TRIM60: variants seen among roughly 807,000 people sequenced by gnomAD.
TRIM60 encodes tripartite motif-containing protein 60.
For missense variants in TRIM60, 524 were observed against 540.8 expected (o/e 0.97, Z 0.31); for synonymous variants, 189 against 195.2 (o/e 0.97, Z 0.27).
chr4:165,035,078 A>T (rs770135425), intron 1 of TRIM60, among the ~76,000 whole-genome samples: 3 of 152,086 alleles, frequency 2.0e-5, no homozygotes, highest in Non-Finnish European at 2.9e-5. Flanking sequence ...TTATAACTTA[A>T]TTTTTTTGAG....
chr4:165,033,026 CAAAA>C lies in TRIM60; in HGVS notation c.-57+928_-57+931del, dbSNP rs552897039. On this transcript the variant is annotated intron_variant, in intron 1 of 2. Coordinates refer to ENST00000512596, the MANE Select transcript of TRIM60 (RefSeq NM_152620.3). The stretch of plus-strand genomic sequence containing the variant: ...CAACATAGTGAGACCCCTGTCTCTA[CAAAA>C]AAAAAAAAAAAAATCCGGGCATGGT... 6.1e-5 allele frequency among the ~76,000 whole-genome samples: 5 copies of C among 82,188 alleles called. No individual in the cohort carries two copies. In the East Asian group the frequency reaches 1.8e-3, roughly 29 times the overall value. 53.9% of individuals were successfully genotyped at this position (82,188 alleles called of 152,430 possible).
rs1733550180 is a variant in TRIM60 at position 165,033,328 on chromosome 4, C to G, written c.-57+1216C>G. Among the ~76,000 whole-genome samples, 2 of 152,136 alleles carry G rather than the reference C, an allele frequency of 1.3e-5. 1 individual carries two copies. Among genetic ancestry groups the G allele is most frequent in the Admixed American group, 1.3e-4 (2 of 15,274 alleles). ...ATTAGCCTAATAATTATTGAACACA[C>G]GTTGTACACCAGCATAAGAATCAGA... On this transcript the variant is annotated intron_variant, in intron 1 of 2. Transcript: ENST00000512596.
Position 165,040,597 on chromosome 4 carries a change from G to A in TRIM60, c.525G>A (p.Lys175=). The part of the protein sequence containing the change: ...QGSKSVELKK[K]VEYKREEINS... ...GCAAATCAGTGGAGCTGAAAAAGAA[G>A]GTAGAATATAAGAGGGAAGAAATAA... Residue 175 remains lysine (K), a synonymous_variant, in exon 3 of 3, where the codon AAG becomes AAA. Coordinates refer to ENST00000512596, the MANE Select transcript of TRIM60 (RefSeq NM_152620.3). The A allele has an allele frequency of 1.2e-6, 2 of 1,614,080 alleles. No individual in the cohort carries two copies. The highest frequency in any genetic ancestry group is 1.7e-6 in the Non-Finnish European group (2 of 1,180,014).
In TRIM60 at chr4:165,040,223, T is replaced by C. The variant is rs758380693; in HGVS notation, c.151T>C (p.Phe51Leu). 147 of 1,614,070 alleles carry C rather than the reference T, an allele frequency of 9.1e-5. 2 individuals carry two copies. In the Admixed American group the frequency reaches 2.1e-3, roughly 23 times the overall value. The change falls in exon 3 of 3, where the codon TTT becomes CTT. Residue 51 changes from phenylalanine to leucine, a missense_variant. Phe to Leu is a conservative substitution (Grantham distance 22, BLOSUM62 0). Coordinates refer to ENST00000512596, the MANE Select transcript of TRIM60 (RefSeq NM_152620.3). Reference sequence around the variant, plus strand: ...ATCCTGGAAGGATCTAGATGATACCTTTCCCTGTCCTGTCTGCCGTTTTTG... The same window carrying C: ...ATCCTGGAAGGATCTAGATGATACCCTTCCCTGTCCTGTCTGCCGTTTTTG... ...SVSWKDLDDT[F>L]PCPVCRFCFP... is the part of the protein sequence containing the mutation.
Position 165,040,921 on chromosome 4 carries a change from T to A in TRIM60, c.849T>A (p.Tyr283Ter), listed in dbSNP as rs1236898688. The A allele has an allele frequency of 6.2e-7, 1 of 1,613,670 alleles. No homozygotes were observed. Among genetic ancestry groups the A allele is most frequent in the South Asian group, 1.1e-5 (1 of 91,032 alleles). Residue 283 changes from tyrosine to a stop codon, truncating the protein, a stop_gained, in exon 3 of 3, where the codon TAT (tyrosine) becomes TAA (stop). Transcript: ENST00000512596. LOFTEE classifies it low-confidence loss of function (END_TRUNC). ...ATGGTTTCAGTCTTCCTCCTCAATATTCTGGCTTGGACAGAATTATCAAGC... is the reference window on the plus strand; with the variant it reads ...ATGGTTTCAGTCTTCCTCCTCAATAATCTGGCTTGGACAGAATTATCAAGC... ...TKYGFSLPPQYSGLDRIIKPF... is the reference protein window; with the variant it reads ...TKYGFSLPPQ
intron 1 of TRIM60, among the ~76,000 whole-genome samples, chr4:165,038,782 T>G (rs1240562914): frequency 1.3e-5 from 2 of 152,136 alleles, no homozygotes; most frequent in East Asian, 3.9e-4. Context: ...ATATATAGTT[T>G]TATATTATAG....
At chr4:165,036,881 CAA>C (rs58526101) in intron 1 of TRIM60, among the ~76,000 whole-genome samples, 29 of 76,240 alleles carry the variant, frequency 3.8e-4, no homozygotes, top group Admixed American at 4.7e-4. Flanking sequence ...GACTCTGTCT[CAA>C]AAAAAAAAAA....
Position 165,040,406 on chromosome 4 carries a change from C to A in TRIM60, c.334C>A (p.Leu112Ile), listed in dbSNP as rs778772934. 6.2e-7 allele frequency: 1 copy of A among 1,614,164 alleles called. No homozygotes were observed. The highest frequency in any genetic ancestry group is 1.1e-5 in the South Asian group (1 of 91,080). Reference protein sequence around the residue: ...QFLTLFCVKDLEILCTQCSFS... With the variant: ...QFLTLFCVKDIEILCTQCSFS... ...TCTGACCCTCTTCTGTGTTAAAGAT[C>A]TAGAGATCTTATGTACACAGTGCAG... Residue 112 changes from leucine (L) to isoleucine (I), a missense_variant, in exon 3 of 3, where the codon CTA becomes ATA. Coordinates refer to ENST00000512596, the MANE Select transcript of TRIM60 (RefSeq NM_152620.3).
Position 165,040,304 on chromosome 4 carries a change from G to T in TRIM60, c.232G>T (p.Ala78Ser), listed in dbSNP as rs1444532963. 2.5e-6 allele frequency: 4 copies of T among 1,614,064 alleles called. No individual in the cohort carries two copies. The Admixed American group carries it at 6.7e-5, about 27-fold the overall frequency. Reference sequence around the variant, plus strand: ...CCAGCTCCGTAATTTGACTGAAATTGCTAAACAACTCCAGATTAGGAGGAG... The same window carrying T: ...CCAGCTCCGTAATTTGACTGAAATTTCTAAACAACTCCAGATTAGGAGGAG... ...NPQLRNLTEI[A>S]KQLQIRRSKR... Residue 78 changes from alanine to serine, a missense_variant, in exon 3 of 3, where the codon GCT becomes TCT. Physicochemically the swap from Ala to Ser is moderately conservative, Grantham distance 99 (BLOSUM62 1). Transcript: ENST00000512596.
Position 165,040,982 on chromosome 4 carries a change from G to A in TRIM60, c.910G>A (p.Ala304Thr). The A allele has an allele frequency of 1.2e-6, 2 of 1,614,028 alleles. No homozygotes were observed. Among genetic ancestry groups the A allele is most frequent in the Non-Finnish European group, 1.7e-6 (2 of 1,179,930 alleles). ...AGATGTGATTCTAGATCTCAACACA[G>A]CACATCCTCAACTTCTTGTCTCTGA... ...QVDVILDLNT[A>T]HPQLLVSEDR... Residue 304 changes from alanine to threonine, a missense_variant, in exon 3 of 3, where the codon GCA (alanine) becomes ACA (threonine). Ala to Thr is a moderately conservative substitution (Grantham distance 58, BLOSUM62 0). Coordinates refer to ENST00000512596, the MANE Select transcript of TRIM60 (RefSeq NM_152620.3).
intron 1 of TRIM60, among the ~76,000 whole-genome samples, chr4:165,036,667 G>A (rs1003961303): frequency 1.3e-5 from 2 of 152,116 alleles, no homozygotes; most frequent in Admixed American, 6.5e-5. Context: ...GAGCACTTGA[G>A]GTCAGGAGTT....
In TRIM60 at chr4:165,040,115, A is replaced by G. The variant is rs1319723457; in HGVS notation, c.43A>G (p.Ser15Gly). ...CCTGGTGAACCTCCAAGAGGAGTCT[A>G]GCTGTCCCATCTGTCTGGAGTACTT... Reference protein sequence around the residue: ...TALVNLQEESSCPICLEYLKD... With the variant: ...TALVNLQEESGCPICLEYLKD... The change falls in exon 3 of 3, where the codon AGC (serine) becomes GGC (glycine). Residue 15 changes from serine to glycine, a missense_variant. Ser to Gly is a moderately conservative substitution (Grantham distance 56, BLOSUM62 0). Transcript: ENST00000512596. 1 of 1,613,360 alleles carries G rather than the reference A, an allele frequency of 6.2e-7. No homozygotes were observed. The highest frequency in any genetic ancestry group is 1.3e-5 in the African/African-American group (1 of 74,910).
intron 1 of TRIM60, among the ~76,000 whole-genome samples, chr4:165,037,461 C>T (rs1330728511): frequency 6.6e-6 from 1 of 151,826 alleles, no homozygotes; most frequent in African/African-American, 2.4e-5. Flanking sequence ...GTAGCTGGGA[C>T]TACAGGCATG....
intron 1 of TRIM60, among the ~76,000 whole-genome samples, chr4:165,036,188 C>T (rs191506550): frequency 6.6e-6 from 1 of 152,268 alleles, no homozygotes; most frequent in East Asian, 1.9e-4. Context: ...CGCACAATAC[C>T]ACTTGGTGAG....
rs761086882 is a variant in TRIM60 at position 165,041,406 on chromosome 4, C to T, written c.1334C>T (p.Thr445Ile). Residue 445 changes from threonine to isoleucine, a missense_variant, in exon 3 of 3, where the codon ACA becomes ATA. Transcript: ENST00000512596. ...SILYTFNDCF[T>I]EAVWPYFYTG... is the part of the protein sequence containing the mutation. ...CTCTATACTTTTAACGATTGTTTCACAGAAGCCGTTTGGCCTTATTTCTAT... is the reference window on the plus strand; with the variant it reads ...CTCTATACTTTTAACGATTGTTTCATAGAAGCCGTTTGGCCTTATTTCTAT... 14 of 1,612,754 alleles carry T rather than the reference C, an allele frequency of 8.7e-6. No homozygotes were observed. Among genetic ancestry groups the T allele is most frequent in the Non-Finnish European group, 1.2e-5 (14 of 1,179,296 alleles).
intron 1 of TRIM60, among the ~76,000 whole-genome samples, chr4:165,034,890 C>T (rs1017177159): frequency 6.6e-6 from 1 of 152,150 alleles, no homozygotes; most frequent in African/African-American, 2.4e-5. Context: ...CTATACTATA[C>T]ATACTACGAC....
intron 1 of TRIM60, among the ~76,000 whole-genome samples, chr4:165,032,807 A>G (rs1240243919): frequency 6.6e-6 from 1 of 152,198 alleles, no homozygotes; most frequent in East Asian, 1.9e-4. Flanking sequence ...TATCATCTAA[A>G]GTAATAGAGG....
In TRIM60 at chr4:165,040,195, T is replaced by G. The variant is rs774029116; in HGVS notation, c.123T>G (p.Ser41Arg). 3 of 1,614,196 alleles carry G rather than the reference T, an allele frequency of 1.9e-6. No homozygotes were observed. Among genetic ancestry groups the G allele is most frequent in the East Asian group, 2.2e-5 (1 of 44,882 alleles). The change falls in exon 3 of 3, where the codon AGT becomes AGG. Residue 41 changes from serine to arginine, a missense_variant. Ser to Arg is a moderately radical substitution (Grantham distance 110). Transcript: ENST00000512596. ...ACAACTTCTGTCGCTCCTGCCTCAG[T>G]GTATCCTGGAAGGATCTAGATGATA... ...CGHNFCRSCL[S>R]VSWKDLDDTF...
Position 165,041,475 on chromosome 4 carries a change from A to C in TRIM60, c.1403A>C (p.Asp468Ala). 6.5e-7 allele frequency: 1 copy of C among 1,546,718 alleles called. No homozygotes were observed. ...SEPLKICSVS[D>A]SER ...CCTCTTAAAATCTGCTCAGTATCAG[A>C]TTCTGAAAGATAAGGAACTGGTAAA... Residue 468 changes from aspartate to alanine, a missense_variant, in exon 3 of 3, where the codon GAT becomes GCT. By Grantham distance (126) the Asp-to-Ala change is moderately radical. Transcript: ENST00000512596.
Sources: allele counts gnomAD v4.1 joint callset (sites outside exome capture counted in the v4.1 genomes callset), GRCh38; gene constraint gnomAD v4.1.1; transcripts MANE v1.5; gene names NCBI Gene and HGNC (gene_info 2026-07-23, HGNC 2026-07-21).